DNAH6: variants seen among roughly 807,000 people sequenced by gnomAD.
DNAH6 encodes the protein axonemal beta dynein heavy chain 6.
DNAH6 carries 340 observed loss-of-function variants against 491.4 expected under a neutral mutation model. That is an observed-to-expected ratio of 0.69 (90% CI 0.63 to 0.76). The LOEUF (loss-of-function observed/expected upper bound fraction) is 0.76. Ranked by LOEUF, DNAH6 falls within the 30% of genes least tolerant of loss-of-function variation. The pLI, the probability that DNAH6 is intolerant of heterozygous loss-of-function variation, is 0.00. For synonymous variants in DNAH6, 1,603 were observed against 1,686.1 expected, an observed-to-expected ratio of 0.95 and a Z score of 1.21; for missense variants, 4,443 against 4,972.2, an observed-to-expected ratio of 0.89 and a Z score of 3.20.
the DNAH6 span, among the ~76,000 whole-genome samples, chr2:84,509,713 C>T: frequency 3.9e-5 from 6 of 152,112 alleles, no homozygotes; most frequent in South Asian, 2.1e-4. Flanking sequence ...TGGCTGGTAC[C>T]GGTTGTTCCT....
intron 37 of DNAH6, among the ~76,000 whole-genome samples, chr2:84,661,913 C>T (rs1691542894): frequency 1.3e-5 from 2 of 152,212 alleles, no homozygotes; most frequent in South Asian, 4.1e-4. Flanking sequence ...AGCAGCAATT[C>T]AGAGTGTGGC....
At chr2:84,541,517 A>G (rs542874565) in intron 4 of DNAH6, among the ~76,000 whole-genome samples, 1 of 152,326 alleles carries the variant, frequency 6.6e-6, no homozygotes, top group African/African-American at 2.4e-5. Context: ...AGGAAACTTA[A>G]AAGAAGAAGA....
At chr2:84,793,031 C>G (rs1465898064) in intron 68 of DNAH6, among the ~76,000 whole-genome samples, 2 of 152,146 alleles carry the variant, frequency 1.3e-5, no homozygotes, top group Admixed American at 1.3e-4. Flanking sequence ...AGTCAGACCT[C>G]AGGCCTCTCC....
chr2:84,669,502 G>C lies in DNAH6; in HGVS notation c.6298G>C (p.Val2100Leu). The C allele has an allele frequency of 6.4e-7, 1 of 1,551,650 alleles. No individual in the cohort carries two copies. The highest frequency in any genetic ancestry group is 1.2e-5 in the South Asian group (1 of 84,052). ...HSVLFTGITGVGKSVIAKGLL... is the reference protein window; with the variant it reads ...HSVLFTGITGLGKSVIAKGLL... ...CGTGTTGTTTACTGGAATAACTGGA[G>C]TGGGCAAGGTAGGAAACTTACATCA... Residue 2100 changes from valine to leucine, a missense_variant, in exon 38 of 77, where the codon GTG becomes CTG. Val to Leu is a conservative substitution (Grantham distance 32). This residue lies in a region of DNAH6 where 2,977 missense variants were observed against 3,296.6 expected (regional missense o/e 0.90). Transcript: ENST00000389394.
chr2:84,812,372 C>T lies in DNAH6; in HGVS notation c.11771C>T (p.Ala3924Val), dbSNP rs1680075834. The T allele has an allele frequency of 1.3e-6, 2 of 1,551,890 alleles. No individual in the cohort carries two copies. The highest frequency in any genetic ancestry group is 2.7e-5 in the African/African-American group (2 of 73,054). ...CTGGAAACACTCAACAAAGCCATCG[C>T]TGGATTTGTGGTGATGTCTGAAGAA... is the stretch of plus-strand genomic sequence containing the variant. ...TSLETLNKAI[A>V]GFVVMSEEME... Residue 3924 changes from alanine (A) to valine (V), a missense_variant, in exon 73 of 77, where the codon GCT becomes GTT. Around this residue, in one of 3 missense-constraint regions of DNAH6, gnomAD observed 1,463 missense variants for 1,656.6 expected, o/e 0.88. Coordinates refer to ENST00000389394, the MANE Select transcript of DNAH6 (RefSeq NM_001370.2).
At chr2:84,811,511 T>C (rs1474784766) in intron 72 of DNAH6, among the ~76,000 whole-genome samples, 4 of 152,058 alleles carry the variant, frequency 2.6e-5, no homozygotes, top group Non-Finnish European at 5.9e-5. Flanking sequence ...TAAGGAGGTG[T>C]TTCCAGTTCA....
chr2:84,807,791 G>A (rs760654876), intron 71 of DNAH6, among the ~76,000 whole-genome samples: 76 of 152,084 alleles, frequency 5.0e-4, no homozygotes, highest in Non-Finnish European at 9.1e-4. Flanking sequence ...ATTCCACATT[G>A]GAGACCTTTC....
intron 37 of DNAH6, among the ~76,000 whole-genome samples, chr2:84,661,439 T>TA (rs1278627689): frequency 1.3e-5 from 2 of 152,110 alleles, no homozygotes; most frequent in Non-Finnish European, 2.9e-5. Flanking sequence ...TAGAAATACC[T>TA]AAAAAATCTA....
intron 70 of DNAH6, among the ~76,000 whole-genome samples, chr2:84,803,072 GAAAGTGTAT>G (rs1200463097): frequency 6.6e-6 from 1 of 152,188 alleles, no homozygotes; most frequent in Non-Finnish European, 1.5e-5. Context: ...GTGTTAAGGG[GAAAGTGTAT>G]AAAGCTAACT....
At chr2:84,761,209 CAAGT>C (rs1279075220) in intron 63 of DNAH6, among the ~76,000 whole-genome samples, 1 of 151,992 alleles carries the variant, frequency 6.6e-6, no homozygotes, top group Admixed American at 6.6e-5. Flanking sequence ...TTAATTGAAA[CAAGT>C]AAGACACAGA....
At chr2:84,817,726 T>C (rs759523736) in intron 76 of DNAH6, among the ~76,000 whole-genome samples, 5 of 152,194 alleles carry the variant, frequency 3.3e-5, no homozygotes, top group Admixed American at 1.3e-4. Context: ...GGTGCCAGCA[T>C]CTGCTTCTGG....
chr2:84,704,597 G>A (rs1696252944), intron 51 of DNAH6, among the ~76,000 whole-genome samples: 1 of 152,168 alleles, frequency 6.6e-6, no homozygotes, highest in African/African-American at 2.4e-5. Context: ...AGAAAACAGT[G>A]CCTAAGCCCA....
chr2:84,550,295 T>A (rs183898159), intron 9 of DNAH6, among the ~76,000 whole-genome samples: 122 of 152,272 alleles, frequency 8.0e-4, no homozygotes, highest in African/African-American at 2.9e-3. Context: ...AGGCATTAGT[T>A]AGAGTCTCAT....
intron 68 of DNAH6, among the ~76,000 whole-genome samples, chr2:84,789,087 T>C (rs1677489900): frequency 6.6e-6 from 1 of 152,202 alleles, no homozygotes; most frequent in African/African-American, 2.4e-5. Flanking sequence ...ACAAAAAGTT[T>C]ATAGGGACAG....
At chr2:84,587,917 G>C (rs1221928110) in intron 15 of DNAH6, among the ~76,000 whole-genome samples, 2 of 152,146 alleles carry the variant, frequency 1.3e-5, no homozygotes, top group African/African-American at 4.8e-5. Context: ...TGTTAACTAA[G>C]GGTCTTTCCT....
At chr2:84,714,712 C>T (rs1697358208) in intron 57 of DNAH6, among the ~76,000 whole-genome samples, 2 of 151,802 alleles carry the variant, frequency 1.3e-5, no homozygotes, top group Admixed American at 1.3e-4. Flanking sequence ...TTTGATTTCT[C>T]ACTTATTTAA....
At chr2:84,483,374 G>T in the DNAH6 span, among the ~76,000 whole-genome samples, 44 of 152,264 alleles carry the variant, frequency 2.9e-4, 1 homozygote, top group South Asian at 8.7e-3. Flanking sequence ...TCAAAGCCTT[G>T]ATATTCCTCC....
intron 23 of DNAH6, among the ~76,000 whole-genome samples, chr2:84,618,833 G>A (rs894950101): frequency 2.0e-5 from 3 of 151,856 alleles, no homozygotes; most frequent in African/African-American, 7.3e-5. Context: ...TTCATAAAAG[G>A]TCACATAGTA....
At chr2:84,604,695 A>T in intron 19 of DNAH6, 144 bp downstream of exon 19, 1 of 656,850 alleles carries the variant, frequency 1.5e-6, no homozygotes, top group South Asian at 2.0e-5. Flanking sequence ...TTTCCTTACA[A>T]CAGATATTAC....
Sources: allele counts gnomAD v4.1 joint callset (sites outside exome capture counted in the v4.1 genomes callset), GRCh38; gene constraint gnomAD v4.1.1; regional missense constraint gnomAD v4.1.1; transcripts MANE v1.5; gene names NCBI Gene and HGNC (gene_info 2026-07-23, HGNC 2026-07-21).